Variants in EFCAB10 observed in about 807,000 individuals in gnomAD.
EFCAB10 encodes the protein EF-hand calcium-binding domain-containing protein 10.
A neutral mutation model predicts 7.7 loss-of-function variants in EFCAB10; 7 were observed. The ratio of observed to expected loss-of-function variants is 0.91; its 90% CI spans 0.52 to 1.72. The LOEUF is 1.72. Among genes scored for constraint, EFCAB10 ranks in the 40% most tolerant of loss-of-function variants. EFCAB10 has a pLI of 0.00. For missense variants in EFCAB10, 112 were observed against 61.5 expected (o/e 1.82, Z -2.74); for synonymous variants, 52 against 21.0 (o/e 2.47, Z -4.03).
Position 105,569,535 on chromosome 7 carries a change from C to G in EFCAB10, c.143G>C (p.Arg48Pro), listed in dbSNP as rs763532120. 1.4e-6 allele frequency: 1 copy of G among 702,264 alleles called. No individual in the cohort carries two copies. Among genetic ancestry groups the G allele is most frequent in the African/African-American group, 1.7e-5 (1 of 57,196 alleles). The allele number at this position is 702,264 out of a possible 1,614,324, so 43.5% of individuals were successfully genotyped here. Residue 48 changes from arginine to proline, a missense_variant, in exon 2 of 5, where the codon CGA becomes CCA. Physicochemically the swap from Arg to Pro is moderately radical, Grantham distance 103. Coordinates refer to ENST00000480514, the MANE Select transcript of EFCAB10 (RefSeq NM_001355526.2). ...PKEYLISLLE[R>P]LRIAKVTGVA... Reference sequence around the variant, plus strand: ...GCCTGTTACTTTTGCAATTCTCAGTCGTTCCAATAGAGATATTAAATATTC... The same window carrying G: ...GCCTGTTACTTTTGCAATTCTCAGTGGTTCCAATAGAGATATTAAATATTC...
Position 105,569,692 on chromosome 7 carries a change from C to A in EFCAB10, c.107-121G>T, listed in dbSNP as rs1791887787. ...GGCACTGTACTAGGCGCTGGGGACA[C>A]AGGCCTTAGTTTTCATAAACAGTCC... On this transcript the variant is annotated intron_variant, in intron 1 of 4. Transcript: ENST00000480514. 6.8e-6 allele frequency: 4 copies of A among 592,396 alleles called. No individual in the cohort carries two copies. In the South Asian group the frequency reaches 8.6e-5, roughly 13 times the overall value. The allele number at this position is 592,396 out of a possible 1,614,324, so 36.7% of individuals were successfully genotyped here.
chr7:105,570,276 C>CAG (rs1791915202), intron 1 of EFCAB10, among the ~76,000 whole-genome samples: 1 of 112,194 alleles, frequency 8.9e-6, no homozygotes, highest in African/African-American at 3.2e-5. Flanking sequence ...TATACACACA[C>CAG]ACACACATAC....
At chr7:105,577,048 G>A (rs901412045) in intron 1 of EFCAB10, among the ~76,000 whole-genome samples, 24 of 135,768 alleles carry the variant, frequency 1.8e-4, no homozygotes, top group Admixed American at 6.5e-4. Flanking sequence ...GCAAAACTCC[G>A]TCTTAAAAAA....
chr7:105,566,142 G>A (rs749454732), intron 4 of EFCAB10, among the ~76,000 whole-genome samples: 3 of 151,480 alleles, frequency 2.0e-5, no homozygotes, highest in African/African-American at 7.3e-5. Context: ...GCCAGGCCTG[G>A]TGGCGGGCAC....
At chr7:105,573,686 A>T (rs1043291620) in intron 1 of EFCAB10, 2 of 152,206 alleles carry the variant, frequency 1.3e-5, no homozygotes, top group Non-Finnish European at 2.9e-5. Context: ...TCAACATCTT[A>T]ATCATAATAG....
intron 1 of EFCAB10, among the ~76,000 whole-genome samples, chr7:105,578,114 G>A (rs185301915): frequency 5.8e-4 from 88 of 152,254 alleles, no homozygotes; most frequent in Middle Eastern, 3.4e-3. Context: ...CCCGTATTCA[G>A]GATAATCAAA....
rs1417723880 is a variant in EFCAB10, at chr7:105,581,339, G to T, written c.106+19C>A. ...CCCCACATGGAGGTATGGCTGTACCGGGGCATGGGGGCCCTTACCCGGCCG... is the reference window on the plus strand; with the variant it reads ...CCCCACATGGAGGTATGGCTGTACCTGGGCATGGGGGCCCTTACCCGGCCG... On this transcript the variant is annotated intron_variant, in intron 1 of 4. Transcript: ENST00000480514. 2.8e-6 allele frequency: 2 copies of T among 702,598 alleles called. No homozygotes were observed. Among genetic ancestry groups the T allele is most frequent in the Admixed American group, 2.0e-5 (1 of 49,970 alleles). The allele number at this position is 702,598 out of a possible 1,614,324, so 43.5% of individuals were successfully genotyped here.
intron 1 of EFCAB10, chr7:105,572,110 ATATAT>A (rs1043675070): frequency 2.6e-5 from 4 of 152,198 alleles, no homozygotes; most frequent in Admixed American, 6.5e-5. Flanking sequence ...CAAATATAAA[ATATAT>A]TATTAACTGT....
intron 4 of EFCAB10, 156 bp from the exon 5 acceptor site, chr7:105,565,603 CTTTGT>C: frequency 6.2e-7 from 1 of 1,613,778 alleles, no homozygotes. Context: ...AATCTTTTCC[CTTTGT>C]TTTCTCACTA....
At chr7:105,571,671 C>T (rs1175140717) in intron 1 of EFCAB10, 1 of 152,110 alleles carries the variant, frequency 6.6e-6, no homozygotes, top group East Asian at 1.9e-4. Flanking sequence ...TAAAAAAAGC[C>T]CAGGAAAATT....
At chr7:105,574,909 A>G (rs1452400217) in intron 1 of EFCAB10, among the ~76,000 whole-genome samples, 1 of 150,428 alleles carries the variant, frequency 6.6e-6, no homozygotes, top group East Asian at 2.0e-4. Flanking sequence ...CAGCCTGGCC[A>G]ACATGGTGAA....
At chr7:105,576,351 A>T (rs931441497) in intron 1 of EFCAB10, among the ~76,000 whole-genome samples, 1 of 152,028 alleles carries the variant, frequency 6.6e-6, no homozygotes, top group Admixed American at 6.6e-5. Context: ...CTTTAGCTTC[A>T]TTACCTTCTT....
At chr7:105,580,086 C>G (rs1249909099) in intron 1 of EFCAB10, among the ~76,000 whole-genome samples, 3 of 151,966 alleles carry the variant, frequency 2.0e-5, no homozygotes, top group African/African-American at 4.8e-5. Context: ...CCCAGGTTCA[C>G]GTGATCCTCC....
chr7:105,574,245 G>GTATATATATATA (rs58936582), intron 1 of EFCAB10, among the ~76,000 whole-genome samples: 13 of 143,744 alleles, frequency 9.0e-5, no homozygotes, highest in African/African-American at 3.3e-4. Flanking sequence ...CATATATACA[G>GTATATATATATA]TATATATATA....
At chr7:105,570,209 C>A (rs868421560) in intron 1 of EFCAB10, among the ~76,000 whole-genome samples, 1 of 5,900 alleles carries the variant, frequency 1.7e-4, no homozygotes, top group African/African-American at 4.2e-4. Flanking sequence ...GCAAGACTCT[C>A]TCAAAAAAAA....
intron 1 of EFCAB10, chr7:105,572,832 T>C (rs1036358911): frequency 6.6e-6 from 1 of 152,196 alleles, no homozygotes; most frequent in African/African-American, 2.4e-5. Flanking sequence ...CTCAGCTCTC[T>C]TTTGTTTTTT....
chr7:105,565,834 C>G (rs1791704427), intron 4 of EFCAB10, among the ~76,000 whole-genome samples: 1 of 152,144 alleles, frequency 6.6e-6, no homozygotes, highest in African/African-American at 2.4e-5. Flanking sequence ...GACCCATGAC[C>G]TCAAAAAGTT....
At chr7:105,577,861 C>T (rs1792122714) in intron 1 of EFCAB10, among the ~76,000 whole-genome samples, 1 of 152,078 alleles carries the variant, frequency 6.6e-6, no homozygotes, top group South Asian at 2.1e-4. Flanking sequence ...TGATTACAAG[C>T]ATGTGCCACT....
chr7:105,566,721 T>G (rs755235650), intron 4 of EFCAB10: 1 of 152,738 alleles, frequency 6.5e-6, no homozygotes, highest in Non-Finnish European at 1.5e-5. Flanking sequence ...AAATGAAAGC[T>G]TATGTTTACA....
Sources: gnomAD v4.1 joint callset for allele counts (sites outside exome capture counted in the v4.1 genomes callset) on GRCh38, gnomAD v4.1.1 for gene constraint, MANE v1.5 for transcripts, NCBI Gene and HGNC (gene_info 2026-07-23, HGNC 2026-07-21) for gene names.